The following PPP1R13B variants were observed in gnomAD, a reference collection of about 807,000 sequenced individuals.
PPP1R13B encodes apoptosis-stimulating of p53 protein 1.
In PPP1R13B, 44 loss-of-function variants were observed where a neutral mutation model predicts 119.8. The observed-to-expected ratio is 0.37, with a 90% CI of 0.29 to 0.47. PPP1R13B has a LOEUF of 0.47. Among genes scored for constraint, PPP1R13B ranks in the 20% least tolerant of loss-of-function variants. PPP1R13B has a pLI of 0.99. For missense variants in PPP1R13B, 1,227 were observed against 1,413.5 expected, an observed-to-expected ratio of 0.87 and a Z score of 2.12; for synonymous variants, 542 against 561.5, an observed-to-expected ratio of 0.97 and a Z score of 0.49.
chr14:103,812,544 T>C (rs2086184703), intron 1 of PPP1R13B, among the ~76,000 whole-genome samples: 1 of 151,968 alleles, frequency 6.6e-6, no homozygotes, highest in Non-Finnish European at 1.5e-5. Context: ...CTCAGCTTCC[T>C]GAGTAGCGGG....
At chr14:103,739,208 CACT>C (rs1395503309) in intron 12 of PPP1R13B, 185 bp from the exon 13 acceptor site, 1 of 720,598 alleles carries the variant, frequency 1.4e-6, no homozygotes, top group East Asian at 2.7e-5. Flanking sequence ...CCACTCTGCT[CACT>C]ACAAGGGAGA....
At chr14:103,746,577 G>A (rs749196797) in intron 8 of PPP1R13B, 24 bp from the exon 9 acceptor site, 1 of 1,540,270 alleles carries the variant, frequency 6.5e-7, no homozygotes, top group Non-Finnish European at 8.8e-7. Flanking sequence ...AGAAATGAGA[G>A]TCAAGATTCT....
At chr14:103,768,118 C>CTTT (rs556309580) in intron 4 of PPP1R13B, among the ~76,000 whole-genome samples, 5 of 140,978 alleles carry the variant, frequency 3.5e-5, no homozygotes, top group African/African-American at 1.0e-4. Flanking sequence ...TGAGTGTCTT[C>CTTT]TTTTTTTTTT....
Position 103,829,988 on chromosome 14 carries a change from A to G in PPP1R13B, c.9+17311T>C, listed in dbSNP as rs139718953. On this transcript the variant is annotated intron_variant, in intron 1 of 16. Transcript: ENST00000202556. The stretch of plus-strand genomic sequence containing the variant: ...GAGACAGGGTTTCACCGTGTTGGCC[A>G]GGATGGTCTCCATCTCCTGATGTCA... Among the ~76,000 whole-genome samples the G allele has an allele frequency of 2.1e-3, 318 of 152,196 alleles. 2 individuals carry two copies. Among genetic ancestry groups the G allele is most frequent in the African/African-American group, 6.8e-3 (281 of 41,540 alleles).
At position 103,763,159 on chromosome 14, in the gene PPP1R13B, A is replaced by G. The variant is rs903143851; in HGVS notation, c.355-5408T>C. The G allele has an allele frequency of 6.5e-6, 4 of 613,628 alleles. No homozygotes were observed. The African/African-American group carries it at 7.5e-5, about 11-fold the overall frequency. 38.0% of individuals were successfully genotyped at this position (613,628 alleles called of 1,614,324 possible). ...CTGCCACCTTATGACAGGGATAATG[A>G]GATGGACCCGGATTTCAGAAACAAT... On this transcript the variant is annotated intron_variant, in intron 4 of 16. Coordinates refer to ENST00000202556, the MANE Select transcript of PPP1R13B (RefSeq NM_015316.3).
intron 2 of PPP1R13B, chr14:103,794,689 G>T: frequency 2.3e-6 from 1 of 431,574 alleles, no homozygotes; most frequent in Non-Finnish European, 4.6e-6. Flanking sequence ...TCTCTGTAAG[G>T]GTTCCTCTAG....
chr14:103,829,746 G>A (rs941122452), intron 1 of PPP1R13B, among the ~76,000 whole-genome samples: 1 of 152,018 alleles, frequency 6.6e-6, no homozygotes, highest in East Asian at 1.9e-4. Context: ...AGTAGCTGGG[G>A]ACTACAGGTG....
rs1392640529 is a variant in PPP1R13B, at chr14:103,818,779, T to C, written c.10-21261A>G. ...CTACTACCTGCCAGGCACTGGAGAT[T>C]TGGCACTGACAAAATGGACAGGGTT... On this transcript the variant is annotated intron_variant, in intron 1 of 16. Coordinates refer to ENST00000202556, the MANE Select transcript of PPP1R13B (RefSeq NM_015316.3). Among the ~76,000 whole-genome samples, 3 of 152,192 alleles carry C rather than the reference T, an allele frequency of 2.0e-5. No homozygotes were observed. The East Asian group carries it at 5.8e-4, about 29-fold the overall frequency.
intron 2 of PPP1R13B, among the ~76,000 whole-genome samples, chr14:103,785,376 G>A (rs896651783): frequency 6.6e-6 from 1 of 152,178 alleles, no homozygotes; most frequent in African/African-American, 2.4e-5. Flanking sequence ...CCACCACCGT[G>A]CCCAGCTAAT....
Position 103,742,112 on chromosome 14 carries a change from G to A in PPP1R13B, c.1500C>T (p.Pro500=), listed in dbSNP as rs1297308176. 6.2e-7 allele frequency: 1 copy of A among 1,613,350 alleles called. No individual in the cohort carries two copies. The highest frequency in any genetic ancestry group is 2.2e-5 in the East Asian group (1 of 44,874). Residue 500 remains proline, a synonymous_variant, in exon 11 of 17, where the codon CCC becomes CCT. Coordinates refer to ENST00000202556, the MANE Select transcript of PPP1R13B (RefSeq NM_015316.3). This position sits in a 1 kb window ranked among gnomAD's most constrained non-coding sequence, Gnocchi z 4.9. ...TGCTGCCTGTGGCGGGCAGCAGGGTGGGCCTCTGTCGACTTGGCAGGCCTG... is the reference window on the plus strand; with the variant it reads ...TGCTGCCTGTGGCGGGCAGCAGGGTAGGCCTCTGTCGACTTGGCAGGCCTG... ...PSAGLPSRQR[P]TLLPATGSTP...
chr14:103,836,933 T>G (rs2086792531), intron 1 of PPP1R13B, among the ~76,000 whole-genome samples: 1 of 152,226 alleles, frequency 6.6e-6, no homozygotes, highest in Non-Finnish European at 1.5e-5. Context: ...CAAAAATCTC[T>G]GTTTATACTT....
At chr14:103,828,669 A>G (rs1203701196) in intron 1 of PPP1R13B, among the ~76,000 whole-genome samples, 1 of 152,160 alleles carries the variant, frequency 6.6e-6, no homozygotes, top group Admixed American at 6.5e-5. Context: ...ACGCCACGGA[A>G]GGTTAAGACA....
chr14:103,847,067 A>G (rs2087060011), intron 1 of PPP1R13B: 1 of 1,013,858 alleles, frequency 9.9e-7, no homozygotes, highest in South Asian at 3.5e-5. Context: ...GCGGCCGCGG[A>G]GGCCGAGCAG....
intron 4 of PPP1R13B, among the ~76,000 whole-genome samples, chr14:103,771,475 CTT>C (rs57795299): frequency 0.015 from 1,480 of 96,932 alleles, 8 homozygotes; most frequent in African/African-American, 0.029. Flanking sequence ...ACTAACACTT[CTT>C]TTTTTTTTTT....
At chr14:103,830,256 C>T (rs1360116857) in intron 1 of PPP1R13B, among the ~76,000 whole-genome samples, 2 of 152,020 alleles carry the variant, frequency 1.3e-5, no homozygotes, top group East Asian at 1.9e-4. Flanking sequence ...CCACCATGCC[C>T]GGCTAATTTT....
At position 103,803,970 on chromosome 14, in the gene PPP1R13B, T is replaced by C. The variant is rs2085960967; in HGVS notation, c.10-6452A>G. 16 of 845,494 alleles carry C rather than the reference T, an allele frequency of 1.9e-5. 1 individual carries two copies. The South Asian group carries it at 5.4e-4, about 29-fold the overall frequency. The allele number at this position is 845,494 out of a possible 1,614,324, so 52.4% of individuals were successfully genotyped here. On this transcript the variant is annotated intron_variant, in intron 1 of 16. Coordinates refer to ENST00000202556, the MANE Select transcript of PPP1R13B (RefSeq NM_015316.3). The stretch of plus-strand genomic sequence containing the variant: ...TGCTGTAACAGACTGTGGCTATTTA[T>C]AGTACAACTTTCTTACATTAAATTA...
Position 103,834,420 on chromosome 14 carries a change from G to A in PPP1R13B, c.9+12879C>T, listed in dbSNP as rs145273888. Among the ~76,000 whole-genome samples the A allele has an allele frequency of 2.1e-3, 317 of 152,056 alleles. 2 individuals carry two copies. Among genetic ancestry groups the A allele is most frequent in the African/African-American group, 6.7e-3 (280 of 41,494 alleles). On this transcript the variant is annotated intron_variant, in intron 1 of 16. Transcript: ENST00000202556. ...AAAGAGGAATAAAGCACAAGAAGGG[G>A]AGAGGCATTTCATACAAGATGGAAG... is the stretch of plus-strand genomic sequence containing the variant.
intron 4 of PPP1R13B, 41 bp from the exon 5 acceptor site, chr14:103,757,792 C>G: frequency 6.5e-7 from 1 of 1,541,280 alleles, no homozygotes; most frequent in Non-Finnish European, 9.0e-7. Context: ...AGTTTATCTG[C>G]ATAATTGTCT....
intron 2 of PPP1R13B, chr14:103,794,665 TAAAAA>T (rs557361588): frequency 5.1e-6 from 2 of 394,684 alleles, no homozygotes; most frequent in Non-Finnish European, 1.0e-5. Flanking sequence ...CTCTGAAACC[TAAAAA>T]AAAAAAAATC....
Sources: gnomAD v4.1 joint callset for allele counts (sites outside exome capture counted in the v4.1 genomes callset) on GRCh38, gnomAD v4.1.1 for gene constraint, Gnocchi (gnomAD v3.1) non-coding constraint, MANE v1.5 for transcripts, NCBI Gene and HGNC (gene_info 2026-07-23, HGNC 2026-07-21) for gene names.